Variants in SDK1 observed in about 807,000 individuals in gnomAD.
SDK1 encodes the protein sidekick cell adhesion molecule 1, also known as protein sidekick-1.
In SDK1, 157 loss-of-function variants were observed where a neutral mutation model predicts 245.5. The ratio of observed to expected loss-of-function variants is 0.64; its 90% CI spans 0.56 to 0.73. The LOEUF (loss-of-function observed/expected upper bound fraction) is 0.73. SDK1 is among the 30% of genes least tolerant of loss of function. SDK1 has a pLI of 0.00. For missense variants in SDK1, 3,583 were observed against 3,002.3 expected (o/e 1.19, Z -4.52); for synonymous variants, 1,647 against 1,278.5 (o/e 1.29, Z -6.15).
chr7:3,386,763 G>T (rs1781619344), intron 1 of SDK1, among the ~76,000 whole-genome samples: 1 of 152,170 alleles, frequency 6.6e-6, no homozygotes. Context: ...ACTTCTTGCA[G>T]GTTTTCTGCT....
intron 1 of SDK1, among the ~76,000 whole-genome samples, chr7:3,602,278 G>C (rs977185110): frequency 1.3e-5 from 2 of 151,232 alleles, no homozygotes; most frequent in African/African-American, 2.4e-5. Context: ...GGTTGAACTA[G>C]TTTACAGTCC....
intron 1 of SDK1, among the ~76,000 whole-genome samples, chr7:3,469,804 T>G (rs1295047187): frequency 1.1e-4 from 16 of 152,178 alleles, no homozygotes; most frequent in Non-Finnish European, 2.2e-4. Context: ...TAAGAATAAA[T>G]CTGTCAGGCA....
intron 1 of SDK1, among the ~76,000 whole-genome samples, chr7:3,303,950 G>C (rs1779349107): frequency 6.6e-6 from 1 of 152,144 alleles, no homozygotes; most frequent in African/African-American, 2.4e-5. Flanking sequence ...TTACCACTAC[G>C]TTGGAGCGCC....
At chr7:4,231,431 G>A (rs1240889799) in intron 40 of SDK1, among the ~76,000 whole-genome samples, 1 of 152,058 alleles carries the variant, frequency 6.6e-6, no homozygotes, top group Non-Finnish European at 1.5e-5. Context: ...AACTTAGCCA[G>A]GCGTGGTGGC....
chr7:4,056,918 C>T (rs1779240679), intron 19 of SDK1, among the ~76,000 whole-genome samples: 1 of 152,186 alleles, frequency 6.6e-6, no homozygotes, highest in African/African-American at 2.4e-5. Flanking sequence ...TATTCTGCAG[C>T]CCCACTGACA....
chr7:3,559,961 T>A (rs1164858168), intron 1 of SDK1, among the ~76,000 whole-genome samples: 1 of 152,200 alleles, frequency 6.6e-6, no homozygotes, highest in Non-Finnish European at 1.5e-5. Flanking sequence ...ACCTCACAAC[T>A]TTGAAGAACA....
intron 22 of SDK1, among the ~76,000 whole-genome samples, chr7:4,094,962 C>A (rs1782053035): frequency 6.6e-6 from 1 of 152,154 alleles, no homozygotes; most frequent in African/African-American, 2.4e-5. Flanking sequence ...GATCTGTGAT[C>A]GGTTAAGGAG....
At chr7:4,155,943 G>A (rs528169224) in intron 30 of SDK1, among the ~76,000 whole-genome samples, 1 of 152,322 alleles carries the variant, frequency 6.6e-6, no homozygotes, top group South Asian at 2.1e-4. Flanking sequence ...ACGGGGGACA[G>A]CAGGCAGGGC....
chr7:4,259,757 T>C (rs768409138), intron 44 of SDK1, among the ~76,000 whole-genome samples: 10 of 152,080 alleles, frequency 6.6e-5, no homozygotes, highest in Non-Finnish European at 1.5e-4. Context: ...CAGAGCGTTG[T>C]GGGTTTTGGA....
At position 4,210,132 on chromosome 7, in the gene SDK1, G is replaced by A. The variant is rs977213935; in HGVS notation, c.5509G>A (p.Val1837Met). Residue 1837 changes from valine to methionine, a missense_variant, in exon 38 of 45, where the codon GTG becomes ATG. Val to Met is a conservative substitution (Grantham distance 21). Coordinates refer to ENST00000404826, the MANE Select transcript of SDK1 (RefSeq NM_152744.4). ...AANGILQGYR[V>M]VYEPLAPVQG... ...CAACGGCATCCTGCAGGGCTATCGGGTGGTGTACGAGCCCTTGGCCCCTGT... is the reference window on the plus strand; with the variant it reads ...CAACGGCATCCTGCAGGGCTATCGGATGGTGTACGAGCCCTTGGCCCCTGT... 3.7e-6 allele frequency: 6 copies of A among 1,602,888 alleles called. No homozygotes were observed. Among genetic ancestry groups the A allele is most frequent in the Non-Finnish European group, 4.3e-6 (5 of 1,175,698 alleles).
At chr7:3,813,507 A>C (rs973819327) in intron 4 of SDK1, among the ~76,000 whole-genome samples, 5 of 145,382 alleles carry the variant, frequency 3.4e-5, no homozygotes, top group African/African-American at 7.8e-5. Context: ...AATCCAGTCT[A>C]TCATTGTTGG....
intron 5 of SDK1, among the ~76,000 whole-genome samples, chr7:3,903,091 C>G (rs1433203446): frequency 1.3e-5 from 2 of 151,900 alleles, no homozygotes; most frequent in Admixed American, 1.3e-4. Context: ...TACCTCTTTA[C>G]TCTCACTAGG....
intron 1 of SDK1, among the ~76,000 whole-genome samples, chr7:3,318,047 C>T (rs1054591880): frequency 5.3e-5 from 8 of 152,088 alleles, no homozygotes; most frequent in South Asian, 2.1e-4. Flanking sequence ...AGTATTTGTT[C>T]GCTGATATTT....
chr7:4,158,625 G>C, intron 31 of SDK1, 74 bp downstream of exon 31: 2 of 1,132,050 alleles, frequency 1.8e-6, no homozygotes, highest in South Asian at 2.6e-5. Flanking sequence ...CCACACTTTC[G>C]TCTTGAGCCA....
At chr7:3,890,315 G>T (rs561664857) in intron 5 of SDK1, among the ~76,000 whole-genome samples, 8 of 152,344 alleles carry the variant, frequency 5.3e-5, no homozygotes, top group African/African-American at 1.9e-4. Flanking sequence ...TACGTGCTAT[G>T]TGTGAAATAC....
chr7:4,050,864 A>G (rs1461007115), intron 18 of SDK1, among the ~76,000 whole-genome samples: 1 of 144,858 alleles, frequency 6.9e-6, no homozygotes, highest in Non-Finnish European at 1.5e-5. Flanking sequence ...ATTATATACT[A>G]TATGGTATAT....
chr7:3,536,509 T>G (rs1201535534), intron 1 of SDK1, among the ~76,000 whole-genome samples: 2 of 151,726 alleles, frequency 1.3e-5, no homozygotes, highest in Non-Finnish European at 2.9e-5. Context: ...GAAACCCTGT[T>G]TCTACTTAAA....
chr7:4,147,888 G>A (rs56282774), intron 29 of SDK1, among the ~76,000 whole-genome samples: 4 of 151,994 alleles, frequency 2.6e-5, no homozygotes, highest in Admixed American at 6.5e-5. Context: ...CCCCTCCCGC[G>A]AGCCAGGCAC....
intron 5 of SDK1, among the ~76,000 whole-genome samples, chr7:3,877,225 T>G: frequency 6.6e-6 from 1 of 152,148 alleles, no homozygotes; most frequent in Admixed American, 6.5e-5. Flanking sequence ...CAGCTGAGCG[T>G]TGCCCCTGTT....
Sources: allele counts gnomAD v4.1 joint callset (sites outside exome capture counted in the v4.1 genomes callset), GRCh38; gene constraint gnomAD v4.1.1; transcripts MANE v1.5; gene names NCBI Gene and HGNC (gene_info 2026-07-23, HGNC 2026-07-21).